The following AGTPBP1 variants were observed in gnomAD, a reference collection of about 807,000 sequenced individuals.
The protein encoded by AGTPBP1 is cytosolic carboxypeptidase 1.
In AGTPBP1, 70 loss-of-function variants were observed where a neutral mutation model predicts 143.9. That is an observed-to-expected ratio of 0.49 (90% CI 0.40 to 0.59). AGTPBP1 has a LOEUF of 0.59. AGTPBP1 is among the 20% of genes least tolerant of loss of function. The pLI is 0.00. For synonymous variants in AGTPBP1, 463 were observed against 500.2 expected, an observed-to-expected ratio of 0.93 and a Z score of 0.99; for missense variants, 1,229 against 1,464.5, an observed-to-expected ratio of 0.84 and a Z score of 2.62.
At chr9:85,754,061 T>C in the AGTPBP1 span, among the ~76,000 whole-genome samples, 1 of 152,220 alleles carries the variant, frequency 6.6e-6, no homozygotes, top group Non-Finnish European at 1.5e-5. Flanking sequence ...CTGTATTTTT[T>C]GTTTTTCCTT....
In AGTPBP1 at chr9:85,674,501, GT is replaced by G. The variant is rs200193414; in HGVS notation, c.437-1821del. Among the ~76,000 whole-genome samples the G allele has an allele frequency of 6.0e-4, 91 of 151,402 alleles. 1 individual carries two copies. Among genetic ancestry groups the G allele is most frequent in the Middle Eastern group, 3.5e-3 (1 of 282 alleles). On this transcript the variant is annotated intron_variant, in intron 6 of 25. Transcript: ENST00000357081. ...AACAATACTCATCAATAAATAAGGG[GT>G]TTTTTTTAAATGAATTTTCTGCCAA...
At chr9:85,722,233 G>T (rs1838176168) in intron 1 of AGTPBP1, among the ~76,000 whole-genome samples, 1 of 152,186 alleles carries the variant, frequency 6.6e-6, no homozygotes, top group Non-Finnish European at 1.5e-5. Context: ...CTAGGTAGGG[G>T]AAGTTCTCCT....
the AGTPBP1 span, chr9:85,765,214 T>C: frequency 4.0e-6 from 1 of 252,142 alleles, no homozygotes; most frequent in Non-Finnish European, 7.7e-6. Context: ...CTGGGGTTTC[T>C]CGTCTGAAAT....
At chr9:85,697,398 A>AGTTG (rs143421445) in intron 2 of AGTPBP1, among the ~76,000 whole-genome samples, 1 of 99,826 alleles carries the variant, frequency 1.0e-5, no homozygotes, top group Admixed American at 9.2e-5. Context: ...TTTTTAAATG[A>AGTTG]ATTAATATTT....
At chr9:85,629,846 C>T (rs1831542609) in intron 14 of AGTPBP1, among the ~76,000 whole-genome samples, 1 of 152,080 alleles carries the variant, frequency 6.6e-6, no homozygotes, top group Non-Finnish European at 1.5e-5. Flanking sequence ...CCGATGAAAG[C>T]TTTCATAATA....
At position 85,632,762 on chromosome 9, in the gene AGTPBP1, A is replaced by C; in HGVS notation, c.1915T>G (p.Ser639Ala). The C allele has an allele frequency of 6.2e-7, 1 of 1,614,152 alleles. No individual in the cohort carries two copies. The highest frequency in any genetic ancestry group is 8.5e-7 in the Non-Finnish European group (1 of 1,180,016). The change falls in exon 14 of 26, where the codon TCT becomes GCT. Residue 639 changes from serine (S) to alanine (A), a missense_variant. Ser to Ala is a moderately conservative substitution (Grantham distance 99, BLOSUM62 1). Transcript: ENST00000357081. ...LYIEIVKNTK[S>A]VPEYSEVAYP... ...GCCACCTCTGAATATTCTGGGACAG[A>C]CTTCGTATTTTTCACAATCTCAATA...
At chr9:85,645,462 A>G (rs1440399087) in intron 12 of AGTPBP1, among the ~76,000 whole-genome samples, 4 of 152,182 alleles carry the variant, frequency 2.6e-5, no homozygotes, top group Admixed American at 6.5e-5. Flanking sequence ...CTAACTTGAC[A>G]GTTTCGCCAA....
chr9:85,800,807 T>G, the AGTPBP1 span, among the ~76,000 whole-genome samples: 3 of 144,606 alleles, frequency 2.1e-5, no homozygotes, highest in Admixed American at 7.0e-5. Flanking sequence ...TTTAGAATGG[T>G]TGTGTGTGTG....
the AGTPBP1 span, among the ~76,000 whole-genome samples, chr9:85,751,675 C>T: frequency 9.9e-5 from 15 of 152,082 alleles, no homozygotes; most frequent in African/African-American, 2.2e-4. Flanking sequence ...AGTGCAGTGG[C>T]GCGATCTCAG....
the AGTPBP1 span, among the ~76,000 whole-genome samples, chr9:85,750,911 G>A: frequency 1.3e-5 from 2 of 152,148 alleles, no homozygotes; most frequent in African/African-American, 4.8e-5. Context: ...CCCAGTTTGG[G>A]AGCCAGTTCC....
chr9:85,675,134 G>A (rs1264427056), intron 6 of AGTPBP1, among the ~76,000 whole-genome samples: 13 of 152,054 alleles, frequency 8.5e-5, no homozygotes, highest in Non-Finnish European at 1.5e-5. Context: ...CTGACCTCGT[G>A]ATCTGCCCAC....
intron 2 of AGTPBP1, among the ~76,000 whole-genome samples, chr9:85,701,746 A>G (rs999453124): frequency 6.6e-6 from 1 of 152,200 alleles, no homozygotes; most frequent in African/African-American, 2.4e-5. Context: ...CTCTACTTCT[A>G]TGAGATCAAC....
At chr9:85,655,366 A>G in intron 10 of AGTPBP1, 46 bp from the exon 11 acceptor site, 1 of 1,433,934 alleles carries the variant, frequency 7.0e-7, no homozygotes, top group Non-Finnish European at 9.2e-7. Context: ...TTTGATGAAT[A>G]ACTGAACCAA....
Position 85,692,673 on chromosome 9 carries a change from A to G in AGTPBP1, c.157+16T>C. 1 of 1,608,406 alleles carries G rather than the reference A, an allele frequency of 6.2e-7. No individual in the cohort carries two copies. Among genetic ancestry groups the G allele is most frequent in the Non-Finnish European group, 8.5e-7 (1 of 1,178,516 alleles). On this transcript the variant is annotated intron_variant, in intron 3 of 25. Transcript: ENST00000357081. ...TAAAAAAGCATTTCAAAAACAAAGA[A>G]GAGATCAATGTTTACCTTGACTCTG... is the stretch of plus-strand genomic sequence containing the variant.
At position 85,586,849 on chromosome 9, in the gene AGTPBP1, T is replaced by C; in HGVS notation, c.3015A>G (p.Ala1005=). Residue 1005 remains alanine (A), a synonymous_variant, in exon 22 of 26, where the codon GCA becomes GCG. Coordinates refer to ENST00000357081, the MANE Select transcript of AGTPBP1 (RefSeq NM_001330701.2). ...TACTTACCAAGGGTAAACGCTTCAC[T>C]GCAGCCAAGTATTGCAACAGCCCCT... ...HAKGLLQYLA[A]VKRLPLVYCD... The C allele has an allele frequency of 6.2e-7, 1 of 1,613,886 alleles. No individual in the cohort carries two copies. Among genetic ancestry groups the C allele is most frequent in the African/African-American group, 1.3e-5 (1 of 75,056 alleles).
At chr9:85,741,557 A>C in intron 1 of AGTPBP1, 1 of 985,418 alleles carries the variant, frequency 1.0e-6, no homozygotes, top group Non-Finnish European at 1.2e-6. Context: ...TTCCAGACCC[A>C]GTCAAAGCCC....
chr9:85,760,689 A>G, the AGTPBP1 span, among the ~76,000 whole-genome samples: 1 of 152,204 alleles, frequency 6.6e-6, no homozygotes, highest in Non-Finnish European at 1.5e-5. Context: ...AACTGGAAGC[A>G]TTCCCTTTGA....
At chr9:85,591,193 AG>A (rs397825073) in intron 19 of AGTPBP1, among the ~76,000 whole-genome samples, 2 of 150,124 alleles carry the variant, frequency 1.3e-5, no homozygotes, top group African/African-American at 2.5e-5. Context: ...AAAAAAAAAA[AG>A]GGGGGGAGTA....
chr9:85,757,246 T>C, the AGTPBP1 span, among the ~76,000 whole-genome samples: 3 of 152,222 alleles, frequency 2.0e-5, no homozygotes, highest in East Asian at 3.9e-4. Flanking sequence ...TTTGTATTTT[T>C]AGTAGAGACG....
Sources: gnomAD v4.1 joint callset for allele counts (sites outside exome capture counted in the v4.1 genomes callset) on GRCh38, gnomAD v4.1.1 for gene constraint, MANE v1.5 for transcripts, NCBI Gene and HGNC (gene_info 2026-07-23, HGNC 2026-07-21) for gene names.